MCPH1: variants seen among roughly 807,000 people sequenced by gnomAD.
The protein encoded by MCPH1 is microcephalin.
MCPH1 carries 104 observed loss-of-function variants against 84.5 expected under a neutral mutation model. The ratio of observed to expected loss-of-function variants is 1.23; its 90% CI spans 1.05 to 1.45. The LOEUF (loss-of-function observed/expected upper bound fraction) is 1.45. Among genes scored for constraint, MCPH1 ranks in the 40% most tolerant of loss-of-function variants. The pLI is 0.00. For missense variants in MCPH1, 1,498 were observed against 1,005.7 expected, an observed-to-expected ratio of 1.49 and a Z score of -6.62; for synonymous variants, 514 against 366.8, an observed-to-expected ratio of 1.40 and a Z score of -4.58.
intron 11 of MCPH1, among the ~76,000 whole-genome samples, chr8:6,482,793 T>G (rs761026443): frequency 6.6e-6 from 1 of 152,226 alleles, no homozygotes; most frequent in Non-Finnish European, 1.5e-5. Flanking sequence ...CTTCTGGGAT[T>G]ACCTGATATG....
At chr8:6,436,402 T>C (rs562617267) in intron 5 of MCPH1, among the ~76,000 whole-genome samples, 1 of 152,322 alleles carries the variant, frequency 6.6e-6, no homozygotes, top group African/African-American at 2.4e-5. Context: ...GGTCGAACTT[T>C]TTATTTTCGG....
At chr8:6,562,578 T>TTTTTTTTTTTTTTTAAA in intron 12 of MCPH1, 40 of 880,184 alleles carry the variant, frequency 4.5e-5, no homozygotes, top group Non-Finnish European at 5.4e-5. Flanking sequence ...TTTTGGTTGT[T>TTTTTTTTTTTTTTTAAA]AAAACCTGAG....
chr8:6,643,021 C>A lies in MCPH1; in HGVS notation c.2480C>A (p.Ala827Asp). 6.2e-7 allele frequency: 1 copy of A among 1,614,088 alleles called. No individual in the cohort carries two copies. Among genetic ancestry groups the A allele is most frequent in the Non-Finnish European group, 8.5e-7 (1 of 1,179,986 alleles). Reference sequence around the variant, plus strand: ...TCCATCACCCAGCACAAGGTCTGTGCCCCTGAAAACTACCTATTGTCACAA... The same window carrying A: ...TCCATCACCCAGCACAAGGTCTGTGACCCTGAAAACTACCTATTGTCACAA... ...LDSITQHKVC[A>D]PENYLLSQ The change falls in exon 14 of 14, where the codon GCC becomes GAC. Residue 827 changes from alanine to aspartate, a missense_variant. Transcript: ENST00000344683.
At position 6,625,588 on chromosome 8, in the gene MCPH1, A is replaced by C. The variant is rs376237837; in HGVS notation, c.2452+3897A>C. The C allele has an allele frequency of 1.6e-5, 16 of 985,298 alleles. No homozygotes were observed. The South Asian group carries it at 7.5e-4, about 46-fold the overall frequency. The allele number at this position is 985,298 out of a possible 1,614,324, so 61.0% of individuals were successfully genotyped here. A position where few individuals can be genotyped will look rare whatever the true frequency, so the allele number is the denominator to read the frequency against. The stretch of plus-strand genomic sequence containing the variant: ...ACTCAAAAAAAAATCAATTAAATTT[A>C]TTCAAACTGGAATATCAACTGCTTT... On this transcript the variant is annotated intron_variant, in intron 13 of 13. Coordinates refer to ENST00000344683, the MANE Select transcript of MCPH1 (RefSeq NM_024596.5).
chr8:6,413,504 C>T (rs1028624686), intron 2 of MCPH1, among the ~76,000 whole-genome samples: 1 of 151,354 alleles, frequency 6.6e-6, no homozygotes, highest in Admixed American at 6.6e-5. Flanking sequence ...TTGTGTATTC[C>T]TGTATTCTTT....
chr8:6,611,435 C>G (rs992540238), intron 12 of MCPH1, among the ~76,000 whole-genome samples: 2 of 152,188 alleles, frequency 1.3e-5, no homozygotes, highest in African/African-American at 2.4e-5. Flanking sequence ...AAACACTTAA[C>G]ATTGACCAAT....
intron 12 of MCPH1, among the ~76,000 whole-genome samples, chr8:6,579,602 T>C (rs955655784): frequency 6.6e-6 from 1 of 152,130 alleles, no homozygotes; most frequent in African/African-American, 2.4e-5. Flanking sequence ...TGCTCATGCT[T>C]TTGTTGTTGT....
chr8:6,463,190 T>A (rs1806475470), intron 9 of MCPH1, among the ~76,000 whole-genome samples: 1 of 152,150 alleles, frequency 6.6e-6, no homozygotes, highest in South Asian at 2.1e-4. Context: ...TGTAGGCCAT[T>A]AGCATGAAAT....
intron 10 of MCPH1, 149 bp from the exon 11 acceptor site, chr8:6,480,565 T>A: frequency 1.3e-6 from 1 of 764,466 alleles, no homozygotes; most frequent in African/African-American, 1.7e-5. Context: ...GCATTGATTA[T>A]AAGTCAGTTA....
chr8:6,558,678 T>C (rs1825036264), intron 12 of MCPH1, among the ~76,000 whole-genome samples: 1 of 152,224 alleles, frequency 6.6e-6, no homozygotes, highest in Admixed American at 6.5e-5. Flanking sequence ...GGTAAGGTTA[T>C]GGAAATCCAT....
intron 9 of MCPH1, among the ~76,000 whole-genome samples, chr8:6,464,512 A>G (rs954816513): frequency 6.6e-6 from 1 of 152,220 alleles, no homozygotes; most frequent in African/African-American, 2.4e-5. Context: ...TGCATTGTAA[A>G]TGTGTGGTTC....
intron 12 of MCPH1, among the ~76,000 whole-genome samples, chr8:6,505,635 A>G (rs1813450869): frequency 7.7e-6 from 1 of 129,896 alleles, no homozygotes; most frequent in African/African-American, 2.9e-5. Context: ...ATATGAATGT[A>G]TATATTCTTT....
intron 3 of MCPH1, among the ~76,000 whole-genome samples, chr8:6,430,933 C>G (rs1272289168): frequency 1.3e-5 from 2 of 152,112 alleles, no homozygotes; most frequent in Non-Finnish European, 2.9e-5. Flanking sequence ...TCACAGGAAT[C>G]CAGAGATACG....
chr8:6,478,597 C>T (rs1261526024), intron 10 of MCPH1, among the ~76,000 whole-genome samples: 1 of 152,034 alleles, frequency 6.6e-6, no homozygotes, highest in Non-Finnish European at 1.5e-5. Flanking sequence ...AAGAATAAGA[C>T]CTGGACATTC....
At chr8:6,510,948 A>C (rs569349341) in intron 12 of MCPH1, among the ~76,000 whole-genome samples, 46 of 152,314 alleles carry the variant, frequency 3.0e-4, no homozygotes, top group African/African-American at 1.0e-3. Context: ...GCAAAATGCT[A>C]ATGTCATAAA....
At chr8:6,481,813 A>G (rs1262490951) in intron 11 of MCPH1, among the ~76,000 whole-genome samples, 1 of 152,160 alleles carries the variant, frequency 6.6e-6, no homozygotes, top group Non-Finnish European at 1.5e-5. Context: ...ATATATTAGT[A>G]CTGCTTTATG....
At position 6,412,834 on chromosome 8, in the gene MCPH1, G is replaced by C. The variant is rs117796687; in HGVS notation, c.115-1931G>C. ...GGGTGTGGAAATTGAGAGAGAGAGA[G>C]AGTTATAAAAGTAATACATATTTAT... On this transcript the variant is annotated intron_variant, in intron 2 of 13. Transcript: ENST00000344683. Among the ~76,000 whole-genome samples, 222 of 152,292 alleles carry C rather than the reference G, an allele frequency of 1.5e-3. 5 individuals are homozygous for C. In the East Asian group the frequency reaches 0.037, roughly 25 times the overall value.
intron 9 of MCPH1, among the ~76,000 whole-genome samples, chr8:6,461,635 C>T (rs1806312101): frequency 6.6e-6 from 1 of 152,084 alleles, no homozygotes; most frequent in Non-Finnish European, 1.5e-5. Flanking sequence ...CCACCACACC[C>T]GGCCTGGTGA....
At chr8:6,640,641 G>C (rs1797882741) in intron 13 of MCPH1, among the ~76,000 whole-genome samples, 2 of 152,076 alleles carry the variant, frequency 1.3e-5, no homozygotes, top group South Asian at 4.1e-4. Flanking sequence ...TGTGCTTATG[G>C]TGTCTTAAGT....
Sources: gnomAD v4.1 joint callset for allele counts (sites outside exome capture counted in the v4.1 genomes callset) on GRCh38, gnomAD v4.1.1 for gene constraint, MANE v1.5 for transcripts, NCBI Gene and HGNC (gene_info 2026-07-23, HGNC 2026-07-21) for gene names.